Variants in RETREG1 observed in about 807,000 individuals in gnomAD.
The protein encoded by RETREG1 is family with sequence similarity 134 member B.
In RETREG1, 44 loss-of-function variants were observed where a neutral mutation model predicts 54.8. The observed-to-expected ratio is 0.80, with a 90% confidence interval of 0.63 to 1.03. The LOEUF (loss-of-function observed/expected upper bound fraction) is 1.03. Among genes scored for constraint, RETREG1 ranks in the 50% least tolerant of loss-of-function variants. The pLI, the probability that RETREG1 is intolerant of heterozygous loss-of-function variation, is 0.00. For missense variants in RETREG1, 554 were observed against 605.1 expected (o/e 0.92, Z 0.89); for synonymous variants, 217 against 238.5 (o/e 0.91, Z 0.83).
chr5:16,478,402 A>G (rs947724566), intron 6 of RETREG1, among the ~76,000 whole-genome samples: 2 of 152,022 alleles, frequency 1.3e-5, no homozygotes, highest in African/African-American at 4.8e-5. Flanking sequence ...TGAATCAGAA[A>G]CTCTGGGCTG....
At chr5:16,579,979 T>C (rs924468078) in intron 1 of RETREG1, among the ~76,000 whole-genome samples, 4 of 152,224 alleles carry the variant, frequency 2.6e-5, no homozygotes, top group Non-Finnish European at 5.9e-5. Flanking sequence ...TTTAAAAAAA[T>C]TTTAACAGTT....
Position 16,477,710 on chromosome 5 carries a change from T to C in RETREG1, c.952A>G (p.Thr318Ala), listed in dbSNP as rs756099599. 1.9e-6 allele frequency: 3 copies of C among 1,613,190 alleles called. No individual in the cohort carries two copies. In the Admixed American group the frequency reaches 5.0e-5, roughly 27 times the overall value. Residue 318 changes from threonine (T) to alanine (A), a missense_variant, in exon 8 of 9, where the codon ACC (threonine) becomes GCC (alanine). Physicochemically the swap from Thr to Ala is moderately conservative, Grantham distance 58 (BLOSUM62 0). Coordinates refer to ENST00000306320, the MANE Select transcript of RETREG1 (RefSeq NM_001034850.3). ...VSEVSWTDNGTFNLSEGYTPQ... is the reference protein window; with the variant it reads ...VSEVSWTDNGAFNLSEGYTPQ... ...GTGTATCCTTCTGAAAGGTTGAAGG[T>C]CCCATTATCAGTCCAGGATACCTCT...
intron 3 of RETREG1, among the ~76,000 whole-genome samples, chr5:16,518,603 G>T (rs900930010): frequency 6.6e-6 from 1 of 152,126 alleles, no homozygotes; most frequent in East Asian, 1.9e-4. Context: ...TGAAAAGGGG[G>T]TTGTAAGGAG....
At chr5:16,505,416 T>C (rs1579621430) in intron 3 of RETREG1, among the ~76,000 whole-genome samples, 1 of 152,176 alleles carries the variant, frequency 6.6e-6, no homozygotes, top group African/African-American at 2.4e-5. Flanking sequence ...TTTTTTCACC[T>C]TGGGGTCTGT....
intron 3 of RETREG1, among the ~76,000 whole-genome samples, chr5:16,528,766 T>G (rs926182920): frequency 2.0e-4 from 31 of 152,074 alleles, no homozygotes; most frequent in African/African-American, 7.5e-4. Context: ...AAAACGGGGA[T>G]GGAGAAACGT....
intron 3 of RETREG1, among the ~76,000 whole-genome samples, chr5:16,544,635 C>A (rs911324659): frequency 6.6e-6 from 1 of 152,154 alleles, no homozygotes; most frequent in Non-Finnish European, 1.5e-5. Context: ...TTTTTGCATA[C>A]GGGTATTAAA....
At chr5:16,501,514 C>G (rs1739711431) in intron 3 of RETREG1, among the ~76,000 whole-genome samples, 2 of 150,458 alleles carry the variant, frequency 1.3e-5, no homozygotes, top group Admixed American at 6.6e-5. Flanking sequence ...GTTCATTGGC[C>G]TGCAATTTTT....
intron 3 of RETREG1, among the ~76,000 whole-genome samples, chr5:16,495,989 G>A (rs1244370144): frequency 6.6e-6 from 1 of 152,006 alleles, no homozygotes; most frequent in African/African-American, 2.4e-5. Flanking sequence ...ATAAATTGAT[G>A]TATTAGGCAT....
At chr5:16,494,637 G>A (rs162761) in intron 3 of RETREG1, among the ~76,000 whole-genome samples, 87,748 of 152,058 alleles carry the variant, frequency 0.58, 25,629 homozygotes, top group Admixed American at 0.72. Context: ...AGGCCTCCCC[G>A]GAAGCAGAAG....
chr5:16,478,764 T>C (rs1738641646), intron 6 of RETREG1, 86 bp downstream of exon 6: 9 of 1,236,874 alleles, frequency 7.3e-6, no homozygotes, highest in South Asian at 2.6e-5. Context: ...GCTAAAAGTA[T>C]CCTCAAATGT....
intron 1 of RETREG1, among the ~76,000 whole-genome samples, chr5:16,577,088 T>C (rs1019270612): frequency 3.9e-5 from 6 of 152,142 alleles, no homozygotes; most frequent in African/African-American, 1.4e-4. Flanking sequence ...GAAAGTCATC[T>C]GCTGAAATTG....
At position 16,585,446 on chromosome 5, in the gene RETREG1, CA is replaced by C. The variant is rs1366743913; in HGVS notation, c.321-13345del. Among the ~76,000 whole-genome samples the C allele has an allele frequency of 1.3e-5, 2 of 152,132 alleles. No individual in the cohort carries two copies. Among genetic ancestry groups the C allele is most frequent in the South Asian group, 2.1e-4 (1 of 4,828 alleles). ...GAGAAAAGCCATGGGTAAATCAAGTCAGGGGCACCCTAGGGCAGTGCAATGT... is the reference window on the plus strand; with the variant it reads ...GAGAAAAGCCATGGGTAAATCAAGTCGGGGCACCCTAGGGCAGTGCAATGT... On this transcript the variant is annotated intron_variant, in intron 1 of 8. Transcript: ENST00000306320. The surrounding 1 kb of genome is among the most constrained non-coding windows in gnomAD (Gnocchi z 4.5).
chr5:16,610,541 G>T (rs1458754138), intron 1 of RETREG1, among the ~76,000 whole-genome samples: 15 of 152,120 alleles, frequency 9.9e-5, no homozygotes, highest in Non-Finnish European at 2.2e-4. Context: ...AATCTACAAA[G>T]AACTTAAACA....
At chr5:16,510,812 C>G (rs911304636) in intron 3 of RETREG1, among the ~76,000 whole-genome samples, 1 of 53,246 alleles carries the variant, frequency 1.9e-5, no homozygotes, top group African/African-American at 7.4e-5. Context: ...AGAACAACAA[C>G]AACAACAAAA....
chr5:16,553,466 T>C (rs551948703), intron 3 of RETREG1, among the ~76,000 whole-genome samples: 1 of 152,062 alleles, frequency 6.6e-6, no homozygotes, highest in African/African-American at 2.4e-5. Flanking sequence ...AATATATACA[T>C]GTTTATATTT....
chr5:16,616,626 C>T, intron 1 of RETREG1, 26 bp downstream of exon 1: 1 of 1,569,608 alleles, frequency 6.4e-7, no homozygotes, highest in East Asian at 2.3e-5. Context: ...CCCTCCTCAG[C>T]GCCCCCACCT....
At chr5:16,492,631 T>A (rs1162190964) in intron 3 of RETREG1, among the ~76,000 whole-genome samples, 1 of 152,208 alleles carries the variant, frequency 6.6e-6, no homozygotes, top group Non-Finnish European at 1.5e-5. Flanking sequence ...CATCTGTTGA[T>A]GCTAATTCCT....
intron 3 of RETREG1, among the ~76,000 whole-genome samples, chr5:16,493,386 A>T (rs1739330620): frequency 6.6e-6 from 1 of 152,346 alleles, no homozygotes; most frequent in Admixed American, 6.5e-5. Flanking sequence ...AAATTCCATT[A>T]CTAGCATAGG....
chr5:16,576,293 T>TC lies in RETREG1; in HGVS notation c.321-4192dup, dbSNP rs1358288681. Among the ~76,000 whole-genome samples, 7 of 139,978 alleles carry TC rather than the reference T, an allele frequency of 5.0e-5. No homozygotes were observed. In the Admixed American group the frequency reaches 5.3e-4, roughly 11 times the overall value. The allele number at this position is 139,978 out of a possible 152,430, so 91.8% of individuals were successfully genotyped here. ...CTTCAAAAACAAGATTTTTTCTTTT[T>TC]CTTTTTTTTTTTTTTTTTGAGATGG... On this transcript the variant is annotated intron_variant, in intron 1 of 8. Coordinates refer to ENST00000306320, the MANE Select transcript of RETREG1 (RefSeq NM_001034850.3).
Sources: allele counts gnomAD v4.1 joint callset (sites outside exome capture counted in the v4.1 genomes callset), GRCh38; gene constraint gnomAD v4.1.1; non-coding constraint Gnocchi (gnomAD v3.1); transcripts MANE v1.5; gene names NCBI Gene and HGNC (gene_info 2026-07-23, HGNC 2026-07-21).